KIRREL3: variants seen among roughly 807,000 people sequenced by gnomAD.
The protein encoded by KIRREL3 is kin of IRRE-like protein 3.
Under a neutral mutation model 89.7 loss-of-function variants are expected in KIRREL3, and 36 were observed. That is an observed-to-expected ratio of 0.40 (90% CI 0.31 to 0.53). The LOEUF is 0.53. Among genes scored for constraint, KIRREL3 ranks in the 20% least tolerant of loss-of-function variants. The probability of loss-of-function intolerance (pLI) is 0.49; values close to 1 mark genes in which losing one functional copy is unlikely to be tolerated. For missense variants in KIRREL3, 864 were observed against 1,056.6 expected, an observed-to-expected ratio of 0.82 and a Z score of 2.53; for synonymous variants, 445 against 441.4, an observed-to-expected ratio of 1.01 and a Z score of -0.10.
chr11:126,460,390 G>A (rs1956503756), intron 6 of KIRREL3, among the ~76,000 whole-genome samples: 1 of 152,174 alleles, frequency 6.6e-6, no homozygotes, highest in Non-Finnish European at 1.5e-5. Flanking sequence ...AACCTTAGGA[G>A]GTAAGCATGA....
intron 1 of KIRREL3, among the ~76,000 whole-genome samples, chr11:126,658,136 A>G (rs1945239976): frequency 6.6e-6 from 1 of 152,204 alleles, no homozygotes; most frequent in South Asian, 2.1e-4. Context: ...AAATGCTGCC[A>G]TGTCTGTAGT....
At position 126,446,761 on chromosome 11, in the gene KIRREL3, C is replaced by T. The variant is rs574055654; in HGVS notation, c.1123G>A (p.Val375Met). 26 of 1,599,208 alleles carry T rather than the reference C, an allele frequency of 1.6e-5. No individual in the cohort carries two copies. The highest frequency in any genetic ancestry group is 1.7e-4 in the Middle Eastern group (1 of 6,040). ...TIVWMKRGSG[V>M]VLSNEKTLTL... ...CGAGGTCTGAGCTGCAGCCTCACCA[C>T]TCCGGAGCCCCGCTTCATCCAGACG... Residue 375 changes from valine (V) to methionine (M), a missense_variant and splice_region_variant, in exon 9 of 17, where the codon GTG becomes ATG. By Grantham distance (21) the Val-to-Met change is conservative. Coordinates refer to ENST00000525144, the MANE Select transcript of KIRREL3 (RefSeq NM_032531.4).
At chr11:126,801,796 G>T (rs923617127) in intron 1 of KIRREL3, among the ~76,000 whole-genome samples, 3 of 152,160 alleles carry the variant, frequency 2.0e-5, no homozygotes, top group African/African-American at 7.2e-5. Flanking sequence ...AGTCATGCTG[G>T]GAGTAGTGGT....
intron 1 of KIRREL3, among the ~76,000 whole-genome samples, chr11:126,907,141 G>A (rs1489225071): frequency 1.3e-5 from 2 of 152,000 alleles, no homozygotes; most frequent in Non-Finnish European, 2.9e-5. Context: ...ACTTGGTTAA[G>A]ATATGAAACT....
intron 1 of KIRREL3, among the ~76,000 whole-genome samples, chr11:126,581,284 C>T (rs1941536823): frequency 6.6e-6 from 1 of 152,102 alleles, no homozygotes; most frequent in African/African-American, 2.4e-5. Flanking sequence ...CTCACTGCAA[C>T]CTCTACCTCC....
chr11:126,578,611 C>T lies in KIRREL3; in HGVS notation c.56-15699G>A, dbSNP rs913661859. 6.6e-6 allele frequency among the ~76,000 whole-genome samples: 1 copy of T among 152,088 alleles called. No homozygotes were observed. The highest frequency in any genetic ancestry group is 6.5e-5 in the Admixed American group (1 of 15,268). On this transcript the variant is annotated intron_variant, in intron 1 of 16. Transcript: ENST00000525144. This position sits in a 1 kb window ranked among gnomAD's most constrained non-coding sequence, Gnocchi z 4.9. ...TGGGGCACGTGGGTGAGCGTGTATG[C>T]ATGTACACAGGCTGTCTGCTCAGGT...
chr11:126,536,721 C>T (rs118045296), intron 2 of KIRREL3, among the ~76,000 whole-genome samples: 146 of 144,016 alleles, frequency 1.0e-3, no homozygotes, highest in Non-Finnish European at 1.9e-3. Context: ...TCGGCTTCAG[C>T]GCAACCTCCG....
In KIRREL3 at chr11:126,647,217, G is replaced by A. The variant is rs1335723391; in HGVS notation, c.56-84305C>T. Among the ~76,000 whole-genome samples, 5 of 152,330 alleles carry A rather than the reference G, an allele frequency of 3.3e-5. No homozygotes were observed. The highest frequency in any genetic ancestry group is 4.1e-4 in the South Asian group (2 of 4,822). The stretch of plus-strand genomic sequence containing the variant: ...GCTCACCCCTGCTACTCTGCCAGGA[G>A]CTATAGAAAGAAAAATCTCCAAGCC... On this transcript the variant is annotated intron_variant, in intron 1 of 16. Transcript: ENST00000525144. The surrounding 1 kb of genome is among the most constrained non-coding windows in gnomAD (Gnocchi z 4.9).
In KIRREL3 at chr11:126,843,403, G is replaced by A. The variant is rs1944028893; in HGVS notation, c.55+157052C>T. Among the ~76,000 whole-genome samples, 1 of 152,146 alleles carries A rather than the reference G, an allele frequency of 6.6e-6. No individual in the cohort carries two copies. Among genetic ancestry groups the A allele is most frequent in the Non-Finnish European group, 1.5e-5 (1 of 68,024 alleles). On this transcript the variant is annotated intron_variant, in intron 1 of 16. Transcript: ENST00000525144. This position sits in a 1 kb window ranked among gnomAD's most constrained non-coding sequence, Gnocchi z 4.6. ...GAGTGAGATTTCATGGGAGGTTGGA[G>A]TGGGTGAGCTCACTCACTCTGCCGT...
Position 126,687,295 on chromosome 11 carries a change from AC to A in KIRREL3, c.56-124384del, listed in dbSNP as rs556266135. Among the ~76,000 whole-genome samples, 19 of 152,298 alleles carry A rather than the reference AC, an allele frequency of 1.2e-4. No individual in the cohort carries two copies. The highest frequency in any genetic ancestry group is 4.1e-4 in the South Asian group (2 of 4,822). On this transcript the variant is annotated intron_variant, in intron 1 of 16. Coordinates refer to ENST00000525144, the MANE Select transcript of KIRREL3 (RefSeq NM_032531.4). The surrounding 1 kb of genome is among the most constrained non-coding windows in gnomAD (Gnocchi z 4.6). ...CACCCTAACTTGGGTCATTTGCATC[AC>A]AAAATTGCCTTCAAATTAGCACAGA...
rs1943526775 is a variant in KIRREL3 at position 126,620,353 on chromosome 11, T to C, written c.56-57441A>G. Among the ~76,000 whole-genome samples the C allele has an allele frequency of 6.6e-6, 1 of 152,208 alleles. No individual in the cohort carries two copies. Among genetic ancestry groups the C allele is most frequent in the Non-Finnish European group, 1.5e-5 (1 of 68,038 alleles). The stretch of plus-strand genomic sequence containing the variant: ...TCCATGTCCTTATTAACATGTGGCA[T>C]CCAGTACCAAACACTCTTTCACCAG... On this transcript the variant is annotated intron_variant, in intron 1 of 16. Coordinates refer to ENST00000525144, the MANE Select transcript of KIRREL3 (RefSeq NM_032531.4). The surrounding 1 kb of genome is among the most constrained non-coding windows in gnomAD (Gnocchi z 4.8).
chr11:126,722,978 A>G (rs1002121153), intron 1 of KIRREL3, among the ~76,000 whole-genome samples: 3 of 152,226 alleles, frequency 2.0e-5, no homozygotes, highest in Admixed American at 2.0e-4. Context: ...CGTCACCTCT[A>G]TCATGAAACT....
At chr11:126,699,351 A>G (rs1437079929) in intron 1 of KIRREL3, among the ~76,000 whole-genome samples, 1 of 152,238 alleles carries the variant, frequency 6.6e-6, no homozygotes, top group Non-Finnish European at 1.5e-5. Flanking sequence ...TCATTCGACA[A>G]ATATTGATAG....
rs1158343739 is a variant in KIRREL3 at position 126,642,430 on chromosome 11, T to C, written c.56-79518A>G. Among the ~76,000 whole-genome samples, 2 of 152,206 alleles carry C rather than the reference T, an allele frequency of 1.3e-5. No homozygotes were observed. Among genetic ancestry groups the C allele is most frequent in the African/African-American group, 4.8e-5 (2 of 41,456 alleles). Reference sequence around the variant, plus strand: ...GGAGGGGAAGAAAATTGCCTCTCTGTGAAAGCACATTACAATGTGGCCTAG... The same window carrying C: ...GGAGGGGAAGAAAATTGCCTCTCTGCGAAAGCACATTACAATGTGGCCTAG... On this transcript the variant is annotated intron_variant, in intron 1 of 16. Transcript: ENST00000525144. The surrounding 1 kb of genome is among the most constrained non-coding windows in gnomAD (Gnocchi z 4.9).
In KIRREL3 at chr11:126,570,606, T is replaced by C. The variant is rs187657521; in HGVS notation, c.56-7694A>G. 6.6e-6 allele frequency among the ~76,000 whole-genome samples: 1 copy of C among 152,330 alleles called. No individual in the cohort carries two copies. The highest frequency in any genetic ancestry group is 1.5e-5 in the Non-Finnish European group (1 of 68,028). On this transcript the variant is annotated intron_variant, in intron 1 of 16. Coordinates refer to ENST00000525144, the MANE Select transcript of KIRREL3 (RefSeq NM_032531.4). The surrounding 1 kb of genome is among the most constrained non-coding windows in gnomAD (Gnocchi z 6.1). ...CAGCACCTTACAGCTTGGTAAGCAG[T>C]GGCAGTGCCTAACACTGGGATAACC...
At position 126,651,431 on chromosome 11, in the gene KIRREL3, C is replaced by A. The variant is rs1324592473; in HGVS notation, c.56-88519G>T. The stretch of plus-strand genomic sequence containing the variant: ...CTTTCCAGATATCAGTGGACAGCAT[C>A]CAGGGGGGCAGAGTCAGTGTAATTT... On this transcript the variant is annotated intron_variant, in intron 1 of 16. Coordinates refer to ENST00000525144, the MANE Select transcript of KIRREL3 (RefSeq NM_032531.4). This position sits in a 1 kb window ranked among gnomAD's most constrained non-coding sequence, Gnocchi z 4.6. 6.6e-6 allele frequency among the ~76,000 whole-genome samples: 1 copy of A among 152,192 alleles called. No individual in the cohort carries two copies. Among genetic ancestry groups the A allele is most frequent in the African/African-American group, 2.4e-5 (1 of 41,456 alleles).
chr11:126,439,672 C>T (rs545411643), intron 11 of KIRREL3, among the ~76,000 whole-genome samples: 7 of 151,402 alleles, frequency 4.6e-5, no homozygotes, highest in South Asian at 2.1e-4. Context: ...CAAAAATTAG[C>T]GAGGTGTGGT....
intron 1 of KIRREL3, chr11:126,935,054 A>AAG (rs1948124505): frequency 3.6e-4 from 1 of 2,750 alleles, no homozygotes; most frequent in Non-Finnish European, 5.8e-4. Context: ...ACTCCGTCTT[A>AAG]AAAAAAAAAA....
chr11:126,478,106 G>A (rs1301761747), intron 4 of KIRREL3, among the ~76,000 whole-genome samples: 1 of 152,222 alleles, frequency 6.6e-6, no homozygotes, highest in African/African-American at 2.4e-5. Context: ...GCAGACCCTG[G>A]CCCCACTGCG....
Sources: gnomAD v4.1 joint callset for allele counts (sites outside exome capture counted in the v4.1 genomes callset) on GRCh38, gnomAD v4.1.1 for gene constraint, Gnocchi (gnomAD v3.1) non-coding constraint, MANE v1.5 for transcripts, NCBI Gene and HGNC (gene_info 2026-07-23, HGNC 2026-07-21) for gene names.